The following AFF3 variants were observed in gnomAD, a reference collection of about 807,000 sequenced individuals.
AFF3 encodes ALF transcription elongation factor 3.
Under a neutral mutation model 129.7 loss-of-function variants are expected in AFF3, and 32 were observed. That is an observed-to-expected ratio of 0.25 (90% CI 0.19 to 0.33). The LOEUF is 0.33. AFF3 is among the 10% of genes least tolerant of loss of function. AFF3 has a pLI of 1.00. For missense variants in AFF3, 1,373 were observed against 1,592.0 expected (o/e 0.86, Z 2.34); for synonymous variants, 644 against 635.4 (o/e 1.01, Z -0.20).
At position 99,928,384 on chromosome 2, in the gene AFF3, G is replaced by A. The variant is rs143614671; in HGVS notation, c.873+78248C>T. 9.1e-4 allele frequency among the ~76,000 whole-genome samples: 138 copies of A among 152,220 alleles called. 1 individual carries two copies. Among genetic ancestry groups the A allele is most frequent in the African/African-American group, 3.1e-3 (130 of 41,552 alleles). ...ATTCTTCCTTGAATACAAGTTCAAG[G>A]AAGCTTGAACTTGTTCCTTGAATAC... is the stretch of plus-strand genomic sequence containing the variant. On this transcript the variant is annotated intron_variant, in intron 7 of 24. Coordinates refer to ENST00000672756, the MANE Select transcript of AFF3 (RefSeq NM_001386135.1).
At chr2:99,663,027 G>A (rs1686380680) in intron 12 of AFF3, among the ~76,000 whole-genome samples, 1 of 152,186 alleles carries the variant, frequency 6.6e-6, no homozygotes, top group African/African-American at 2.4e-5. Context: ...AACTAAGGAA[G>A]TAGAGTTGGG....
chr2:100,062,839 C>G (rs1687406150), intron 4 of AFF3, among the ~76,000 whole-genome samples: 3 of 152,108 alleles, frequency 2.0e-5, no homozygotes, highest in African/African-American at 7.2e-5. Context: ...ATGCAAAGTG[C>G]CAAGGACTTC....
chr2:99,664,288 T>C (rs1162994947), intron 12 of AFF3, among the ~76,000 whole-genome samples: 2 of 152,232 alleles, frequency 1.3e-5, no homozygotes. Flanking sequence ...CATAAGGCTA[T>C]GCTTCCATTT....
chr2:99,829,930 C>T (rs891056373), intron 8 of AFF3, among the ~76,000 whole-genome samples: 1 of 152,154 alleles, frequency 6.6e-6, no homozygotes, highest in Non-Finnish European at 1.5e-5. Context: ...CATATATACA[C>T]CATGGAATAC....
chr2:99,670,003 A>C (rs528270970), intron 12 of AFF3, among the ~76,000 whole-genome samples: 2 of 152,324 alleles, frequency 1.3e-5, no homozygotes, highest in South Asian at 4.1e-4. Flanking sequence ...GGGTGACCTC[A>C]AATTTCGATG....
intron 24 of AFF3, 82 bp downstream of exon 24, chr2:99,554,229 A>T: frequency 7.1e-7 from 1 of 1,416,030 alleles, no homozygotes; most frequent in East Asian, 2.3e-5. Context: ...TGAGTATCCC[A>T]GCTACTCAGG....
chr2:99,953,469 T>C lies in AFF3; in HGVS notation c.873+53163A>G, dbSNP rs144040067. ...GAAGACCATAAACGTAACTTGAAAA[T>C]ACCTAGAAGAAGATGTGCCATTTAA... is the stretch of plus-strand genomic sequence containing the variant. On this transcript the variant is annotated intron_variant, in intron 7 of 24. Transcript: ENST00000672756. 5.9e-5 allele frequency among the ~76,000 whole-genome samples: 9 copies of C among 152,310 alleles called. No individual in the cohort carries two copies. The East Asian group carries it at 1.7e-3, about 29-fold the overall frequency.
chr2:100,037,865 A>T (rs1685099980), intron 4 of AFF3, among the ~76,000 whole-genome samples: 1 of 143,962 alleles, frequency 6.9e-6, no homozygotes, highest in South Asian at 2.1e-4. Flanking sequence ...TATAATATAT[A>T]AATATATGTG....
At chr2:99,740,717 C>T (rs1680651544) in intron 10 of AFF3, among the ~76,000 whole-genome samples, 1 of 150,902 alleles carries the variant, frequency 6.6e-6, no homozygotes, top group African/African-American at 2.4e-5. Context: ...GATATTAGCC[C>T]TTTGTCAGAT....
At chr2:99,651,795 C>G (rs1685282476) in intron 12 of AFF3, among the ~76,000 whole-genome samples, 1 of 152,006 alleles carries the variant, frequency 6.6e-6, no homozygotes, top group South Asian at 2.1e-4. Flanking sequence ...GATAGCCCAT[C>G]ACATTTAGAT....
chr2:99,885,365 T>G (rs1693034880), intron 7 of AFF3, among the ~76,000 whole-genome samples: 1 of 152,250 alleles, frequency 6.6e-6, no homozygotes, highest in East Asian at 1.9e-4. Context: ...ACAGGGCTAT[T>G]TAACATTTCA....
chr2:99,902,442 T>C (rs1003196117), intron 7 of AFF3, among the ~76,000 whole-genome samples: 3 of 152,152 alleles, frequency 2.0e-5, no homozygotes, highest in Admixed American at 2.0e-4. Context: ...TGCTTGGGCA[T>C]ATTCAGCAGA....
chr2:99,674,951 G>A (rs6542886), intron 11 of AFF3, among the ~76,000 whole-genome samples: 4 of 151,960 alleles, frequency 2.6e-5, no homozygotes, highest in Non-Finnish European at 5.9e-5. Context: ...TGCTAAACGC[G>A]TCCACACGTA....
In AFF3 at chr2:99,717,836, G is replaced by A. The variant is rs149293147; in HGVS notation, c.1091+9241C>T. Among the ~76,000 whole-genome samples the A allele has an allele frequency of 1.6e-3, 249 of 152,216 alleles. 1 individual carries two copies. Among genetic ancestry groups the A allele is most frequent in the Middle Eastern group, 6.8e-3 (2 of 294 alleles). ...CCTCTAGAAACTTTGTTGTTTTAGC[G>A]TTTATATTGAGATCTGTGCTCCCTC... On this transcript the variant is annotated intron_variant, in intron 11 of 24. Transcript: ENST00000672756.
intron 13 of AFF3, among the ~76,000 whole-genome samples, chr2:99,603,188 CA>C (rs1360536846): frequency 1.2e-4 from 19 of 152,032 alleles, no homozygotes; most frequent in Admixed American, 4.6e-4. Flanking sequence ...TAGGGCAAGG[CA>C]CAGTTAGAGC....
intron 5 of AFF3, 108 bp from the exon 6 acceptor site, chr2:100,007,568 A>G (rs1384773484): frequency 9.9e-7 from 1 of 1,009,346 alleles, no homozygotes; most frequent in Admixed American, 2.2e-5. Flanking sequence ...CACATGCAGA[A>G]TGAGAGCTGA....
chr2:100,136,838 G>C (rs1692658372), intron 1 of AFF3, among the ~76,000 whole-genome samples: 1 of 152,018 alleles, frequency 6.6e-6, no homozygotes, highest in East Asian at 1.9e-4. Context: ...AGTTGATATT[G>C]AGTTTTCTAT....
chr2:100,070,861 T>C (rs1451897627), intron 4 of AFF3, among the ~76,000 whole-genome samples: 2 of 112,988 alleles, frequency 1.8e-5, no homozygotes, highest in East Asian at 2.2e-4. Context: ...AAGACATTTT[T>C]TTCACGAAAG....
intron 13 of AFF3, among the ~76,000 whole-genome samples, chr2:99,636,121 G>C (rs1435548711): frequency 1.3e-5 from 2 of 152,220 alleles, no homozygotes; most frequent in Non-Finnish European, 2.9e-5. Context: ...TTAATTTGCT[G>C]TGCTTGCATT....
Sources: gnomAD v4.1 joint callset for allele counts (sites outside exome capture counted in the v4.1 genomes callset) on GRCh38, gnomAD v4.1.1 for gene constraint, MANE v1.5 for transcripts, NCBI Gene and HGNC (gene_info 2026-07-23, HGNC 2026-07-21) for gene names.